Variants in KLK5 observed in about 807,000 individuals in gnomAD.
KLK5 encodes kallikrein-5.
A neutral mutation model predicts 24.0 loss-of-function variants in KLK5; 18 were observed. The ratio of observed to expected loss-of-function variants is 0.75; its 90% CI spans 0.52 to 1.11. The LOEUF is 1.11. Ranked by LOEUF, KLK5 falls within the 50% of genes most tolerant of loss-of-function variation. The pLI, the probability that KLK5 is intolerant of heterozygous loss-of-function variation, is 0.00. For missense variants in KLK5, 374 were observed against 379.2 expected (o/e 0.99, Z 0.11); for synonymous variants, 140 against 154.0 (o/e 0.91, Z 0.67).
chr19:50,948,697 T>A lies in KLK5; in HGVS notation c.669A>T (p.Arg223Ser). Reference protein sequence around the residue: ...SQKRCEDAYPRQIDDTMFCAG... With the variant: ...SQKRCEDAYPSQIDDTMFCAG... ...CGCAGAACATGGTGTCATCTATCTG[T>A]CTCGGGTAAGCATCCTCGCACCTTT... The change falls in exon 5 of 6, where the codon AGA becomes AGT. Residue 223 changes from arginine to serine, a missense_variant. Physicochemically the swap from Arg to Ser is moderately radical, Grantham distance 110. Transcript: ENST00000336334. 1.2e-6 allele frequency: 2 copies of A among 1,614,154 alleles called. No individual in the cohort carries two copies. Among genetic ancestry groups the A allele is most frequent in the Non-Finnish European group, 1.7e-6 (2 of 1,180,024 alleles).
rs116808505 is a variant in KLK5, at chr19:50,951,684, G to A, written c.73+901C>T. Among the ~76,000 whole-genome samples the A allele has an allele frequency of 7.2e-3, 1,097 of 152,244 alleles. 6 individuals carry two copies. The highest frequency in any genetic ancestry group is 0.025 in the African/African-American group (1,056 of 41,530). The stretch of plus-strand genomic sequence containing the variant: ...AGCACGCACGCAGTTCTGCAGACAC[G>A]CCCATGTTGCCTCCACAGGTGCAGC... On this transcript the variant is annotated intron_variant, in intron 2 of 5. Transcript: ENST00000336334.
Position 50,947,833 on chromosome 19 carries a change from C to A in KLK5, c.726+807G>T, listed in dbSNP as rs1355191014. Among the ~76,000 whole-genome samples the A allele has an allele frequency of 1.3e-5, 2 of 152,306 alleles. No individual in the cohort carries two copies. The highest frequency in any genetic ancestry group is 3.9e-4 in the East Asian group (2 of 5,178). ...TATGGTATCTTTATGCAGTGCACAA[C>A]CTGCCCAACCATACAAAACAGCCCT... On this transcript the variant is annotated intron_variant, in intron 5 of 5. Coordinates refer to ENST00000336334, the MANE Select transcript of KLK5 (RefSeq NM_012427.5). This position sits in a 1 kb window ranked among gnomAD's most constrained non-coding sequence, Gnocchi z 8.7.
chr19:50,949,751 C>T (rs1459846654), intron 3 of KLK5, 104 bp downstream of exon 3: 3 of 735,920 alleles, frequency 4.1e-6, no homozygotes, highest in Admixed American at 2.7e-5. Context: ...CCCACTTCCC[C>T]GTCCCCACCA....
chr19:50,945,597 A>C (rs2090624731), intron 5 of KLK5, among the ~76,000 whole-genome samples: 1 of 149,904 alleles, frequency 6.7e-6, no homozygotes, highest in South Asian at 2.2e-4. Flanking sequence ...GTTCAAGACC[A>C]GCCTGGCCAA....
At position 50,945,899 on chromosome 19, in the gene KLK5, T is replaced by G. The variant is rs569928763; in HGVS notation, c.727-2113A>C. ...AAATAAAAACAATTAGTATTTTTAT[T>G]TTTTTAATTTTTAGTTGCCCAGGCT... On this transcript the variant is annotated intron_variant, in intron 5 of 5. Transcript: ENST00000336334. Among the ~76,000 whole-genome samples, 28 of 152,368 alleles carry G rather than the reference T, an allele frequency of 1.8e-4. No homozygotes were observed. In the South Asian group the frequency reaches 3.3e-3, roughly 18 times the overall value.
intron 2 of KLK5, 49 bp downstream of exon 2, chr19:50,952,536 A>G: frequency 7.0e-7 from 1 of 1,435,012 alleles, no homozygotes; most frequent in Non-Finnish European, 9.6e-7. Context: ...AGTGCCGCAG[A>G]GACAGTCCTC....
Position 50,948,966 on chromosome 19 carries a change from C to A in KLK5, c.485G>T (p.Arg162Ile). 6.2e-7 allele frequency: 1 copy of A among 1,614,004 alleles called. No individual in the cohort carries two copies. The highest frequency in any genetic ancestry group is 8.5e-7 in the Non-Finnish European group (1 of 1,180,004). Residue 162 changes from arginine to isoleucine, a missense_variant, in exon 4 of 6, where the codon AGA becomes ATA. Coordinates refer to ENST00000336334, the MANE Select transcript of KLK5 (RefSeq NM_012427.5). ...NDLMLIKLNR[R>I]IRPTKDVRPI... The stretch of plus-strand genomic sequence containing the variant: ...TCTGACATCTTTAGTGGGACGAATT[C>A]TTCTGTTCAGTTTGATGAGCATGAG...
chr19:50,943,676 G>A lies in KLK5; in HGVS notation c.837C>T (p.Cys279=). The A allele has an allele frequency of 6.2e-7, 1 of 1,614,018 alleles. No homozygotes were observed. The highest frequency in any genetic ancestry group is 8.5e-7 in the Non-Finnish European group (1 of 1,179,954). The change falls in exon 6 of 6, where the codon TGC becomes TGT. Residue 279 remains cysteine, a synonymous_variant. Coordinates refer to ENST00000336334, the MANE Select transcript of KLK5 (RefSeq NM_012427.5). ...TTTCCTGGATCCACTTGGTGAACTTGCAGAGGTTCGTGTAGACACCCGGTC... is the reference window on the plus strand; with the variant it reads ...TTTCCTGGATCCACTTGGTGAACTTACAGAGGTTCGTGTAGACACCCGGTC... ...PNRPGVYTNL[C]KFTKWIQETI...
chr19:50,952,164 C>T (rs1051017571), intron 2 of KLK5, among the ~76,000 whole-genome samples: 3 of 51,496 alleles, frequency 5.8e-5, no homozygotes, highest in Admixed American at 2.2e-4. Context: ...CACGCAATCC[C>T]GGGACCTCAG....
intron 2 of KLK5, 197 bp from the exon 3 acceptor site, chr19:50,950,313 G>T: frequency 1.7e-6 from 1 of 605,430 alleles, no homozygotes; most frequent in Non-Finnish European, 2.9e-6. Flanking sequence ...CTCAGGTAGG[G>T]TTACTGGACT....
At chr19:50,952,436 G>A (rs773446190) in intron 2 of KLK5, 149 bp downstream of exon 2, 44 of 509,704 alleles carry the variant, frequency 8.6e-5, no homozygotes, top group Non-Finnish European at 1.0e-4. Context: ...ACATACGATC[G>A]CACAACCACA....
chr19:50,946,437 A>G (rs67291946), intron 5 of KLK5, among the ~76,000 whole-genome samples: 2 of 103,744 alleles, frequency 1.9e-5, no homozygotes, highest in African/African-American at 5.6e-5. Context: ...CAGACCACAC[A>G]CCGGTATGAA....
At chr19:50,945,031 TC>T (rs1205883085) in intron 5 of KLK5, among the ~76,000 whole-genome samples, 12 of 142,686 alleles carry the variant, frequency 8.4e-5, no homozygotes, top group African/African-American at 3.2e-4. Context: ...CTTCCTTCCT[TC>T]CTTTCTTTCT....
In KLK5 at chr19:50,943,771, G is replaced by C. The variant is rs990986894; in HGVS notation, c.742C>G (p.Pro248Ala). Residue 248 changes from proline (P) to alanine (A), a missense_variant, in exon 6 of 6, where the codon CCT becomes GCT. Pro to Ala is a conservative substitution (Grantham distance 27). Coordinates refer to ENST00000336334, the MANE Select transcript of KLK5 (RefSeq NM_012427.5). ...TGCAGGGAGCCATTGCAGACCACAG[G>C]CCCCCCAGAATCACCCTGCAGGAGA... ...RDSCQGDSGG[P>A]VVCNGSLQGL... 4 of 1,612,982 alleles carry C rather than the reference G, an allele frequency of 2.5e-6. No individual in the cohort carries two copies. Among genetic ancestry groups the C allele is most frequent in the Admixed American group, 1.7e-5 (1 of 59,928 alleles).
chr19:50,952,485 C>T lies in KLK5; in HGVS notation c.73+100G>A, dbSNP rs370444374. 7.7e-5 allele frequency: 62 copies of T among 803,468 alleles called. No individual in the cohort carries two copies. The African/African-American group carries it at 1.0e-3, about 13-fold the overall frequency. The allele number at this position is 803,468 out of a possible 1,614,324, so 49.8% of individuals were successfully genotyped here. On this transcript the variant is annotated intron_variant, in intron 2 of 5. Transcript: ENST00000336334. ...ACTCACATTCACCCGGTCCCGGAGT[C>T]ATGCCCAGGCTCACACAGTTCCCCA...
intron 2 of KLK5, among the ~76,000 whole-genome samples, chr19:50,951,341 C>T (rs1159311085): frequency 6.6e-6 from 1 of 151,896 alleles, no homozygotes; most frequent in African/African-American, 2.4e-5. Context: ...GGCGCGATCT[C>T]GGCTCACCGC....
chr19:50,952,409 G>A (rs182892633), intron 2 of KLK5, among the ~76,000 whole-genome samples, 176 bp downstream of exon 2: 41 of 152,172 alleles, frequency 2.7e-4, no homozygotes, highest in Admixed American at 2.4e-3. Context: ...GACACACACC[G>A]TGGCAGTCAC....
rs57830235 is a variant in KLK5 at position 50,947,658 on chromosome 19, CCA to C, written c.726+980_726+981del. Among the ~76,000 whole-genome samples, 45,691 of 149,606 alleles carry C rather than the reference CCA, an allele frequency of 0.31. 7,139 individuals are homozygous for C. Among genetic ancestry groups the C allele is most frequent in the Middle Eastern group, 0.33 (96 of 294 alleles). On this transcript the variant is annotated intron_variant, in intron 5 of 5. Coordinates refer to ENST00000336334, the MANE Select transcript of KLK5 (RefSeq NM_012427.5). This position sits in a 1 kb window ranked among gnomAD's most constrained non-coding sequence, Gnocchi z 8.7. ...AAATATTCTCTTGTAAAAATACCTACCAGATTTCTCTTTTCCTTCCTCAAGAT... is the reference window on the plus strand; with the variant it reads ...AAATATTCTCTTGTAAAAATACCTACGATTTCTCTTTTCCTTCCTCAAGAT...
Position 50,943,672 on chromosome 19 carries a change from A to C in KLK5, c.841T>G (p.Phe281Val). Residue 281 changes from phenylalanine to valine, a missense_variant, in exon 6 of 6, where the codon TTC becomes GTC. Phe to Val is a conservative substitution (Grantham distance 50). Coordinates refer to ENST00000336334, the MANE Select transcript of KLK5 (RefSeq NM_012427.5). Reference sequence around the variant, plus strand: ...ATGGTTTCCTGGATCCACTTGGTGAACTTGCAGAGGTTCGTGTAGACACCC... The same window carrying C: ...ATGGTTTCCTGGATCCACTTGGTGACCTTGCAGAGGTTCGTGTAGACACCC... ...RPGVYTNLCK[F>V]TKWIQETIQA... The C allele has an allele frequency of 6.2e-7, 1 of 1,613,922 alleles. No homozygotes were observed. The highest frequency in any genetic ancestry group is 8.5e-7 in the Non-Finnish European group (1 of 1,179,922).
Sources: gnomAD v4.1 joint callset for allele counts (sites outside exome capture counted in the v4.1 genomes callset) on GRCh38, gnomAD v4.1.1 for gene constraint, Gnocchi (gnomAD v3.1) non-coding constraint, MANE v1.5 for transcripts, NCBI Gene and HGNC (gene_info 2026-07-23, HGNC 2026-07-21) for gene names.